The following COG5 variants were observed in gnomAD, a reference collection of about 807,000 sequenced individuals.
The protein encoded by COG5 is conserved oligomeric Golgi complex subunit 5.
Under a neutral mutation model 110.4 loss-of-function variants are expected in COG5, and 86 were observed. That is an observed-to-expected ratio of 0.78 (90% CI 0.65 to 0.93). COG5 has a LOEUF of 0.93. COG5 is among the 40% of genes least tolerant of loss of function. COG5 has a pLI of 0.00. For synonymous variants in COG5, 360 were observed against 334.6 expected (o/e 1.08, Z -0.83); for missense variants, 1,077 against 987.0 (o/e 1.09, Z -1.22).
rs1416284702 is a variant in COG5 at position 107,203,430 on chromosome 7, A to C, written c.*86T>G. 1 of 857,568 alleles carries C rather than the reference A, an allele frequency of 1.2e-6. No individual in the cohort carries two copies. The highest frequency in any genetic ancestry group is 1.7e-5 in the African/African-American group (1 of 60,366). 53.1% of individuals were successfully genotyped at this position (857,568 alleles called of 1,614,324 possible). On this transcript the variant is annotated 3_prime_UTR_variant, in exon 22 of 22. Transcript: ENST00000297135. The stretch of plus-strand genomic sequence containing the variant: ...ATCAATTACATTCTTAAAATAGTAG[A>C]TAGTAGCAGTCTTTTGGAGTATGTG...
At chr7:107,354,249 T>C (rs1812430747) in intron 10 of COG5, among the ~76,000 whole-genome samples, 1 of 152,234 alleles carries the variant, frequency 6.6e-6, no homozygotes, top group Non-Finnish European at 1.5e-5. Context: ...TCTGATACTC[T>C]ACATCAATTA....
intron 6 of COG5, among the ~76,000 whole-genome samples, chr7:107,420,262 T>G (rs1375879877): frequency 2.0e-5 from 3 of 152,180 alleles, no homozygotes; most frequent in Non-Finnish European, 4.4e-5. Flanking sequence ...GCTAACCAAG[T>G]AGGGTTGTAT....
intron 10 of COG5, among the ~76,000 whole-genome samples, chr7:107,342,097 A>G (rs1000640383): frequency 1.3e-5 from 2 of 152,170 alleles, no homozygotes; most frequent in African/African-American, 2.4e-5. Context: ...AACCCACACT[A>G]TAGAAGGAAA....
chr7:107,374,678 G>A (rs912259747), intron 7 of COG5, among the ~76,000 whole-genome samples: 2 of 151,910 alleles, frequency 1.3e-5, no homozygotes, highest in African/African-American at 2.4e-5. Context: ...TAACGTAATG[G>A]TGTATTATAT....
chr7:107,229,550 T>C (rs1306698965), intron 19 of COG5, among the ~76,000 whole-genome samples: 1 of 152,218 alleles, frequency 6.6e-6, no homozygotes. Context: ...CCTTATCTTC[T>C]AAAAATCGGC....
intron 11 of COG5, among the ~76,000 whole-genome samples, chr7:107,304,113 A>C (rs1807504445): frequency 6.6e-6 from 1 of 152,204 alleles, no homozygotes; most frequent in Admixed American, 6.5e-5. Context: ...TCTGATTAAG[A>C]AAGTATGCCT....
chr7:107,238,731 C>T (rs749762496), intron 17 of COG5, among the ~76,000 whole-genome samples: 5 of 152,158 alleles, frequency 3.3e-5, no homozygotes, highest in Admixed American at 2.0e-4. Flanking sequence ...TTTTAATTTG[C>T]ATTCCCCTGA....
chr7:107,475,173 A>G, intron 6 of COG5: 1 of 1,610,714 alleles, frequency 6.2e-7, no homozygotes, highest in Middle Eastern at 1.7e-4. Flanking sequence ...CATTCACTAG[A>G]CAAAAATTTC....
At chr7:107,277,111 C>T (rs1804757429) in intron 14 of COG5, among the ~76,000 whole-genome samples, 1 of 152,240 alleles carries the variant, frequency 6.6e-6, no homozygotes, top group East Asian at 1.9e-4. Flanking sequence ...AACTATTCTA[C>T]ACATAAATAA....
At chr7:107,438,552 C>T (rs1190484921) in intron 6 of COG5, among the ~76,000 whole-genome samples, 1 of 152,214 alleles carries the variant, frequency 6.6e-6, no homozygotes, top group Non-Finnish European at 1.5e-5. Context: ...TCTTCTTACT[C>T]TGTCTTTTGT....
rs534330177 is a variant in COG5 at position 107,429,393 on chromosome 7, T to G, written c.539-16761A>C. 3.3e-5 allele frequency among the ~76,000 whole-genome samples: 5 copies of G among 152,264 alleles called. No homozygotes were observed. In the South Asian group the frequency reaches 6.2e-4, roughly 19 times the overall value. On this transcript the variant is annotated intron_variant, in intron 6 of 21. Coordinates refer to ENST00000297135, the MANE Select transcript of COG5 (RefSeq NM_006348.5). ...AATGACTAATGATACTGACCACCTT[T>G]TCATGTGCTCATTGGCCATTTGCAC...
At chr7:107,273,099 A>G (rs1324751826) in intron 14 of COG5, among the ~76,000 whole-genome samples, 1 of 152,106 alleles carries the variant, frequency 6.6e-6, no homozygotes, top group Non-Finnish European at 1.5e-5. Flanking sequence ...CCATTACTAC[A>G]TGTCTCCAAT....
intron 21 of COG5, chr7:107,209,244 CA>C: frequency 1.0e-6 from 1 of 985,270 alleles, no homozygotes; most frequent in Non-Finnish European, 1.2e-6. Context: ...AGAGACGCAA[CA>C]GAGTGGGTTT....
At chr7:107,307,991 CTGAT>C (rs1429871192) in intron 11 of COG5, among the ~76,000 whole-genome samples, 1 of 152,154 alleles carries the variant, frequency 6.6e-6, no homozygotes, top group Non-Finnish European at 1.5e-5. Context: ...TGACATCTGC[CTGAT>C]TGAGTTAGGA....
At chr7:107,209,821 C>A in intron 21 of COG5, 1 of 985,420 alleles carries the variant, frequency 1.0e-6, no homozygotes, top group African/African-American at 1.7e-5. Flanking sequence ...TATGAGTTTA[C>A]AGAAGGAAAT....
intron 7 of COG5, among the ~76,000 whole-genome samples, chr7:107,409,178 G>A (rs1476126044): frequency 7.2e-6 from 1 of 139,002 alleles, no homozygotes; most frequent in African/African-American, 2.7e-5. Flanking sequence ...AAAGATTAAG[G>A]AAGTAAGCAG....
At chr7:107,419,653 C>T (rs1054161096) in intron 6 of COG5, among the ~76,000 whole-genome samples, 1 of 151,724 alleles carries the variant, frequency 6.6e-6, no homozygotes, top group Non-Finnish European at 1.5e-5. Flanking sequence ...CTGCAACCTC[C>T]GCCTCCCAGG....
intron 19 of COG5, 77 bp downstream of exon 19, chr7:107,230,538 T>C: frequency 9.1e-7 from 1 of 1,097,484 alleles, no homozygotes; most frequent in African/African-American, 1.5e-5. Flanking sequence ...ATTGGCAATT[T>C]TATGAAGTTC....
At chr7:107,434,658 T>C (rs976192663) in intron 6 of COG5, among the ~76,000 whole-genome samples, 2 of 152,026 alleles carry the variant, frequency 1.3e-5, no homozygotes, top group South Asian at 2.1e-4. Flanking sequence ...ATAAACCCAA[T>C]AGGATATTAG....
Sources: gnomAD v4.1 joint callset for allele counts (sites outside exome capture counted in the v4.1 genomes callset) on GRCh38, gnomAD v4.1.1 for gene constraint, MANE v1.5 for transcripts, NCBI Gene and HGNC (gene_info 2026-07-23, HGNC 2026-07-21) for gene names.